The following NKAIN2 variants were observed in gnomAD, a reference collection of about 807,000 sequenced individuals.
The protein encoded by NKAIN2 is sodium/potassium-transporting ATPase subunit beta-1-interacting protein 2.
Under a neutral mutation model 32.6 loss-of-function variants are expected in NKAIN2, and 14 were observed. The observed-to-expected ratio is 0.43, with a 90% CI of 0.28 to 0.67. NKAIN2 has a LOEUF of 0.67. Ranked by LOEUF, NKAIN2 falls within the 30% of genes least tolerant of loss-of-function variation. The pLI is 0.17. For missense variants in NKAIN2, 198 were observed against 258.3 expected, an observed-to-expected ratio of 0.77 and a Z score of 1.60; for synonymous variants, 80 against 87.2, an observed-to-expected ratio of 0.92 and a Z score of 0.46.
At chr6:124,743,174 G>A (rs1583776449) in intron 4 of NKAIN2, among the ~76,000 whole-genome samples, 1 of 151,846 alleles carries the variant, frequency 6.6e-6, no homozygotes, top group Non-Finnish European at 1.5e-5. Flanking sequence ...TTGCTGTGTG[G>A]TTTTGGAAGC....
At chr6:123,923,424 G>A (rs982995390) in intron 1 of NKAIN2, among the ~76,000 whole-genome samples, 8 of 151,364 alleles carry the variant, frequency 5.3e-5, no homozygotes, top group Non-Finnish European at 8.8e-5. Context: ...GTTGCATTTC[G>A]CAGAGGCATG....
intron 1 of NKAIN2, among the ~76,000 whole-genome samples, chr6:124,256,683 T>C (rs746140546): frequency 1.4e-4 from 22 of 152,254 alleles, no homozygotes; most frequent in Admixed American, 3.3e-4. Context: ...GTGCCTCAGT[T>C]TCTTCATCTT....
chr6:124,260,086 C>G (rs1264648684), intron 1 of NKAIN2, among the ~76,000 whole-genome samples: 7 of 152,104 alleles, frequency 4.6e-5, no homozygotes, highest in Admixed American at 2.0e-4. Flanking sequence ...CAAGCAAGTG[C>G]CTTCCATTAT....
chr6:124,623,728 C>G (rs79381038), intron 3 of NKAIN2, among the ~76,000 whole-genome samples: 1,941 of 152,248 alleles, frequency 0.013, 43 homozygotes, highest in African/African-American at 0.045. Flanking sequence ...GTGCAACCAT[C>G]AGGAATTTGG....
chr6:123,988,087 A>G (rs1411173278), intron 1 of NKAIN2, among the ~76,000 whole-genome samples: 2 of 152,180 alleles, frequency 1.3e-5, no homozygotes, highest in Admixed American at 1.3e-4. Flanking sequence ...TTCATTTGAT[A>G]TGATGTTTAA....
At chr6:124,723,173 A>G (rs1776108040) in intron 4 of NKAIN2, among the ~76,000 whole-genome samples, 1 of 152,248 alleles carries the variant, frequency 6.6e-6, no homozygotes, top group East Asian at 1.9e-4. Flanking sequence ...TTGATATAAT[A>G]ATTGTCACTT....
intron 4 of NKAIN2, among the ~76,000 whole-genome samples, chr6:124,707,824 G>A (rs1306532297): frequency 2.0e-5 from 3 of 152,108 alleles, no homozygotes; most frequent in African/African-American, 7.2e-5. Flanking sequence ...TTCTTTTGCT[G>A]TGCAGAAGCT....
chr6:124,146,541 A>G (rs1787414082), intron 1 of NKAIN2, among the ~76,000 whole-genome samples: 1 of 152,206 alleles, frequency 6.6e-6, no homozygotes, highest in African/African-American at 2.4e-5. Flanking sequence ...TTTATACCCT[A>G]GAGTAACACC....
At chr6:124,458,258 A>T (rs1351718152) in intron 3 of NKAIN2, among the ~76,000 whole-genome samples, 1 of 152,008 alleles carries the variant, frequency 6.6e-6, no homozygotes, top group African/African-American at 2.4e-5. Flanking sequence ...TGACTTAATT[A>T]TTTTAAGGTA....
At chr6:124,116,596 T>G (rs1785629684) in intron 1 of NKAIN2, among the ~76,000 whole-genome samples, 1 of 152,158 alleles carries the variant, frequency 6.6e-6, no homozygotes, top group Non-Finnish European at 1.5e-5. Flanking sequence ...TTTTTGTTTT[T>G]GTTTTTGTTT....
intron 1 of NKAIN2, among the ~76,000 whole-genome samples, chr6:123,806,441 A>G (rs74750880): frequency 6.6e-6 from 1 of 152,180 alleles, no homozygotes; most frequent in Non-Finnish European, 1.5e-5. Flanking sequence ...AAAGGACCTC[A>G]GAGATTCTTG....
At chr6:124,411,869 C>G (rs1385118978) in intron 3 of NKAIN2, among the ~76,000 whole-genome samples, 8 of 152,136 alleles carry the variant, frequency 5.3e-5, no homozygotes, top group Admixed American at 1.3e-4. Flanking sequence ...TTCATGGAGG[C>G]TTTGTTCATT....
At chr6:124,450,500 A>G (rs1222677477) in intron 3 of NKAIN2, among the ~76,000 whole-genome samples, 1 of 151,916 alleles carries the variant, frequency 6.6e-6, no homozygotes, top group African/African-American at 2.4e-5. Flanking sequence ...ACACTGCCAT[A>G]ATAATACTGT....
intron 4 of NKAIN2, among the ~76,000 whole-genome samples, chr6:124,709,827 TC>T (rs1215897895): frequency 6.6e-6 from 1 of 151,288 alleles, no homozygotes; most frequent in African/African-American, 2.4e-5. Flanking sequence ...TGTCTCTATT[TC>T]CTTCAGTTCT....
chr6:124,332,935 C>T (rs917069757), intron 2 of NKAIN2, among the ~76,000 whole-genome samples: 2 of 152,190 alleles, frequency 1.3e-5, no homozygotes, highest in Non-Finnish European at 2.9e-5. Flanking sequence ...TCAGATTATA[C>T]AGGTAGGTTC....
chr6:124,391,451 G>C (rs1773138577), intron 3 of NKAIN2, among the ~76,000 whole-genome samples: 1 of 152,068 alleles, frequency 6.6e-6, no homozygotes, highest in Non-Finnish European at 1.5e-5. Context: ...ACACAGAGTA[G>C]CTGCTCAATA....
At chr6:123,947,362 G>C (rs138352009) in intron 1 of NKAIN2, among the ~76,000 whole-genome samples, 1 of 152,258 alleles carries the variant, frequency 6.6e-6, no homozygotes, top group African/African-American at 2.4e-5. Context: ...AAGTTAAGGA[G>C]AGAGAAAATG....
At chr6:124,361,426 T>G (rs188498301) in intron 3 of NKAIN2, among the ~76,000 whole-genome samples, 84 of 152,134 alleles carry the variant, frequency 5.5e-4, no homozygotes, top group Middle Eastern at 6.8e-3. Context: ...AATAAAACAA[T>G]AAACTTATAG....
intron 1 of NKAIN2, among the ~76,000 whole-genome samples, chr6:124,013,032 G>A (rs138297832): frequency 3.2e-3 from 486 of 152,090 alleles, no homozygotes; most frequent in Non-Finnish European, 5.5e-3. Flanking sequence ...CATTTAATAG[G>A]TATTAATAGG....
Sources: allele counts gnomAD v4.1 joint callset (sites outside exome capture counted in the v4.1 genomes callset), GRCh38; gene constraint gnomAD v4.1.1; transcripts MANE v1.5; gene names NCBI Gene and HGNC (gene_info 2026-07-23, HGNC 2026-07-21).